MCF2L: variants seen among roughly 807,000 people sequenced by gnomAD.
MCF2L encodes the protein guanine nucleotide exchange factor DBS.
In MCF2L, 97 loss-of-function variants were observed where a neutral mutation model predicts 153.4. The ratio of observed to expected loss-of-function variants is 0.63; its 90% confidence interval spans 0.54 to 0.75. MCF2L has a LOEUF of 0.75. Ranked by LOEUF, MCF2L falls within the 30% of genes least tolerant of loss-of-function variation. The pLI, the probability that MCF2L is intolerant of heterozygous loss-of-function variation, is 0.00. For missense variants in MCF2L, 1,347 were observed against 1,495.2 expected, an observed-to-expected ratio of 0.90 and a Z score of 1.64; for synonymous variants, 659 against 632.2, an observed-to-expected ratio of 1.04 and a Z score of -0.64.
intron 2 of MCF2L, among the ~76,000 whole-genome samples, chr13:113,022,875 G>A (rs1006221080): frequency 6.6e-6 from 1 of 152,228 alleles, no homozygotes; most frequent in South Asian, 2.1e-4. Flanking sequence ...GGAATTTTCC[G>A]AGAGGAAGTG....
chr13:112,916,720 C>T (rs578186621), intron 2 of MCF2L, among the ~76,000 whole-genome samples: 32 of 152,110 alleles, frequency 2.1e-4, no homozygotes, highest in East Asian at 1.7e-3. Flanking sequence ...AGTGGTCCTC[C>T]GAGTGGTCCT....
chr13:113,077,974 G>A (rs964990897), intron 13 of MCF2L, among the ~76,000 whole-genome samples: 3 of 152,240 alleles, frequency 2.0e-5, no homozygotes, highest in Non-Finnish European at 2.9e-5. Context: ...GCCCACAGGC[G>A]CTGTGTCCCC....
chr13:112,989,006 C>A (rs2082778699), intron 1 of MCF2L, among the ~76,000 whole-genome samples: 1 of 129,050 alleles, frequency 7.7e-6, no homozygotes, highest in African/African-American at 3.0e-5. Context: ...CCCGAGTCCT[C>A]CCTGAGCAGG....
intron 2 of MCF2L, among the ~76,000 whole-genome samples, chr13:112,920,112 A>G (rs1280964287): frequency 6.6e-6 from 1 of 152,018 alleles, no homozygotes; most frequent in Non-Finnish European, 1.5e-5. Context: ...GAAGGTTACC[A>G]TGCTACCTGG....
chr13:113,074,407 G>A lies in MCF2L; in HGVS notation c.997-37G>A, dbSNP rs760517997. On this transcript the variant is annotated intron_variant, in intron 9 of 29. Coordinates refer to ENST00000535094, the MANE Select transcript of MCF2L (RefSeq NM_001112732.3). This position sits in a 1 kb window ranked among gnomAD's most constrained non-coding sequence, Gnocchi z 4.2. ...GTGGGTTCTCTCTGTTCAGGTGAGG[G>A]AGACACCCCCCTGAGATGGGCCCTC... 2.6e-5 allele frequency: 41 copies of A among 1,600,510 alleles called. No individual in the cohort carries two copies. Among genetic ancestry groups the A allele is most frequent in the Non-Finnish European group, 3.3e-5 (39 of 1,168,874 alleles).
At chr13:113,040,412 C>CTCTGTGTGTGTGTGTGTGTGTG (rs1555372582) in intron 3 of MCF2L, 3 of 140,166 alleles carry the variant, frequency 2.1e-5, no homozygotes, top group Non-Finnish European at 4.6e-5. Context: ...GAGGGCCTTC[C>CTCTGTGTGTGTGTGTGTGTGTG]TGTGTGTGTG....
intron 1 of MCF2L, among the ~76,000 whole-genome samples, chr13:112,980,431 C>T (rs2082368274): frequency 6.6e-6 from 1 of 152,380 alleles, no homozygotes; most frequent in African/African-American, 2.4e-5. Context: ...CCAGCCCCCA[C>T]CCCTGCTTTG....
chr13:112,984,529 C>T (rs938764530), intron 1 of MCF2L, among the ~76,000 whole-genome samples: 3 of 152,104 alleles, frequency 2.0e-5, no homozygotes, highest in East Asian at 1.9e-4. Context: ...TGAGCCATTG[C>T]GCCCGGCCTA....
In MCF2L at chr13:113,095,469, G is replaced by A. The variant is rs960058030; in HGVS notation, c.3075+834G>A. 2.0e-5 allele frequency: 21 copies of A among 1,069,750 alleles called. No homozygotes were observed. In the Admixed American group the frequency reaches 3.5e-4, roughly 18 times the overall value. The allele number at this position is 1,069,750 out of a possible 1,614,324, so 66.3% of individuals were successfully genotyped here. A position where few individuals can be genotyped will look rare whatever the true frequency, so the allele number is the denominator to read the frequency against. On this transcript the variant is annotated intron_variant, in intron 27 of 29. Coordinates refer to ENST00000535094, the MANE Select transcript of MCF2L (RefSeq NM_001112732.3). ...AACAGGCTGGTGGAACAGGGTGCACGGGGCCTGGGGAGGGATTTGGATCTC... is the reference window on the plus strand; with the variant it reads ...AACAGGCTGGTGGAACAGGGTGCACAGGGCCTGGGGAGGGATTTGGATCTC...
At chr13:113,077,283 A>C (rs1003776715) in intron 13 of MCF2L, 72 bp downstream of exon 13, 88 of 1,425,162 alleles carry the variant, frequency 6.2e-5, no homozygotes, top group Non-Finnish European at 7.7e-5. Flanking sequence ...AGAGCTTGGT[A>C]CATCTGAGGC....
At chr13:113,095,557 T>TCACC in intron 27 of MCF2L, 1 of 1,011,878 alleles carries the variant, frequency 9.9e-7, no homozygotes, top group Non-Finnish European at 1.2e-6. Flanking sequence ...CAGGAGCCAG[T>TCACC]ACAGGCCATC....
Position 113,065,907 on chromosome 13 carries a change from C to A in MCF2L, c.757-139C>A, listed in dbSNP as rs897587889. Reference sequence around the variant, plus strand: ...TGCCCGCACGACCCCACAGAAGAGACTGGGAAGACTCGGGGGTCGGGGATT... The same window carrying A: ...TGCCCGCACGACCCCACAGAAGAGAATGGGAAGACTCGGGGGTCGGGGATT... On this transcript the variant is annotated intron_variant, in intron 7 of 29. Coordinates refer to ENST00000535094, the MANE Select transcript of MCF2L (RefSeq NM_001112732.3). 5 of 884,354 alleles carry A rather than the reference C, an allele frequency of 5.7e-6. No homozygotes were observed. The East Asian group carries it at 1.2e-4, about 20-fold the overall frequency. 54.8% of individuals were successfully genotyped at this position (884,354 alleles called of 1,614,324 possible). A position where few individuals can be genotyped will look rare whatever the true frequency, so the allele number is the denominator to read the frequency against.
chr13:113,075,013 G>T lies in MCF2L; in HGVS notation c.1132G>T (p.Ala378Ser), dbSNP rs1195410477. Residue 378 changes from alanine (A) to serine (S), a missense_variant, in exon 11 of 30, where the codon GCC (alanine) becomes TCC (serine). Around this residue, in one of 3 missense-constraint regions of MCF2L, gnomAD observed 820 missense variants for 921.2 expected, o/e 0.89. Coordinates refer to ENST00000535094, the MANE Select transcript of MCF2L (RefSeq NM_001112732.3). ...EEKSGVAVERARALSLDGEQL... is the reference protein window; with the variant it reads ...EEKSGVAVERSRALSLDGEQL... ...CCGTCCACAGGTGGCCGTGGAGAGGGCCCGGGCCCTGTCTCTGGACGGCGA... is the reference window on the plus strand; with the variant it reads ...CCGTCCACAGGTGGCCGTGGAGAGGTCCCGGGCCCTGTCTCTGGACGGCGA... 1.2e-6 allele frequency: 2 copies of T among 1,604,876 alleles called. No individual in the cohort carries two copies. The highest frequency in any genetic ancestry group is 1.3e-5 in the African/African-American group (1 of 74,892).
At chr13:113,038,402 T>C (rs1056766626) in intron 3 of MCF2L, among the ~76,000 whole-genome samples, 1 of 150,822 alleles carries the variant, frequency 6.6e-6, no homozygotes, top group African/African-American at 2.4e-5. Flanking sequence ...AAGGCGGAGC[T>C]TGCAGTGAGC....
At chr13:112,991,903 G>A (rs2082912418) in intron 1 of MCF2L, among the ~76,000 whole-genome samples, 3 of 152,182 alleles carry the variant, frequency 2.0e-5, no homozygotes, top group Admixed American at 6.5e-5. Context: ...CTTGTTAAAA[G>A]CACCTGTCTT....
At chr13:112,979,171 G>A (rs2082314012) in intron 1 of MCF2L, 1 of 255,502 alleles carries the variant, frequency 3.9e-6, no homozygotes, top group South Asian at 1.4e-4. Context: ...CCAGCAGCAC[G>A]TCCCTCCCTT....
At chr13:113,013,401 C>A (rs557637503) in intron 1 of MCF2L, among the ~76,000 whole-genome samples, 3 of 152,100 alleles carry the variant, frequency 2.0e-5, no homozygotes, top group African/African-American at 7.3e-5. Context: ...CTGCTTCCCC[C>A]CCAACACCAG....
chr13:113,023,325 C>T (rs924542956), intron 2 of MCF2L, among the ~76,000 whole-genome samples: 5 of 152,206 alleles, frequency 3.3e-5, no homozygotes, highest in South Asian at 2.1e-4. Flanking sequence ...GACAAGGACT[C>T]GGGAGGAGGC....
At chr13:113,023,454 C>T (rs1475024438) in intron 2 of MCF2L, among the ~76,000 whole-genome samples, 4 of 152,100 alleles carry the variant, frequency 2.6e-5, no homozygotes, top group Non-Finnish European at 5.9e-5. Flanking sequence ...GACCCAGAAG[C>T]AGAAGTTCCG....
Sources: gnomAD v4.1 joint callset for allele counts (sites outside exome capture counted in the v4.1 genomes callset) on GRCh38, gnomAD v4.1.1 for gene constraint, gnomAD v4.1.1 regional missense constraint, Gnocchi (gnomAD v3.1) non-coding constraint, MANE v1.5 for transcripts, NCBI Gene and HGNC (gene_info 2026-07-23, HGNC 2026-07-21) for gene names.